Variants in CREB1 observed in about 807,000 individuals in gnomAD.
The protein encoded by CREB1 is cyclic AMP-responsive element-binding protein 1.
In CREB1, 2 loss-of-function variants were observed where a neutral mutation model predicts 42.0. The ratio of observed to expected loss-of-function variants is 0.05; its 90% CI spans 0.02 to 0.15. The LOEUF is 0.15. CREB1 is among the 10% of genes least tolerant of loss of function. CREB1 has a pLI of 1.00. For synonymous variants in CREB1, 123 were observed against 139.9 expected, an observed-to-expected ratio of 0.88 and a Z score of 0.85; for missense variants, 199 against 388.9, an observed-to-expected ratio of 0.51 and a Z score of 4.11.
intron 7 of CREB1, among the ~76,000 whole-genome samples, chr2:207,593,823 A>G (rs1368058057): frequency 6.7e-6 from 1 of 148,874 alleles, no homozygotes; most frequent in Non-Finnish European, 1.5e-5. Context: ...GGTTCAAGCG[A>G]TTTTCCTACC....
rs1352813603 is a variant in CREB1 at position 207,605,732 on chromosome 2, A to AT, written c.*8677dup. 6.6e-6 allele frequency among the ~76,000 whole-genome samples: 1 copy of AT among 152,218 alleles called. No individual in the cohort carries two copies. The highest frequency in any genetic ancestry group is 1.5e-5 in the Non-Finnish European group (1 of 68,032). ...GTTTAACCAGTCCTCTTCTGGGGAC[A>AT]TTTGGCTGTTTGAAATTTTTTACTG... On this transcript the variant is annotated 3_prime_UTR_variant, in exon 8 of 8. Transcript: ENST00000353267.
At chr2:207,578,116 ATAACATTT>A (rs1166903313) in intron 7 of CREB1, 1 of 155,038 alleles carries the variant, frequency 6.5e-6, no homozygotes, top group East Asian at 1.9e-4. Context: ...ACTCAAAATA[ATAACATTT>A]TAACACCTAA....
At chr2:207,532,547 CT>C (rs2080689288) in intron 1 of CREB1, among the ~76,000 whole-genome samples, 1 of 151,284 alleles carries the variant, frequency 6.6e-6, no homozygotes, top group South Asian at 2.1e-4. Context: ...GTGGCGCGTG[CT>C]TGTAATCCCA....
At chr2:207,531,704 G>A (rs1057319233) in intron 1 of CREB1, among the ~76,000 whole-genome samples, 2 of 152,206 alleles carry the variant, frequency 1.3e-5, no homozygotes, top group Admixed American at 1.3e-4. Context: ...AGACGAACAA[G>A]TTTGTTTTAA....
At chr2:207,572,596 T>C (rs762847445) in intron 5 of CREB1, among the ~76,000 whole-genome samples, 6 of 152,104 alleles carry the variant, frequency 3.9e-5, no homozygotes, top group Non-Finnish European at 8.8e-5. Context: ...TACATAAATA[T>C]CCTAAGAGTG....
intron 1 of CREB1, among the ~76,000 whole-genome samples, chr2:207,532,718 A>G (rs752440017): frequency 6.6e-6 from 1 of 150,944 alleles, no homozygotes; most frequent in Non-Finnish European, 1.5e-5. Context: ...CTTGCCCGAG[A>G]GATATTTTAA....
At chr2:207,540,669 T>TAAAAAAAAAAAAAAAAAAAAAAA (rs35714520) in intron 1 of CREB1, among the ~76,000 whole-genome samples, 4 of 64,252 alleles carry the variant, frequency 6.2e-5, no homozygotes, top group African/African-American at 2.8e-4. Context: ...GTTTAAAAAG[T>TAAAAAAAAAAAAAAAAAAAAAAA]AAAAAAAAAA....
chr2:207,559,470 A>G (rs1054495832), intron 2 of CREB1, among the ~76,000 whole-genome samples: 2 of 152,140 alleles, frequency 1.3e-5, no homozygotes, highest in Non-Finnish European at 2.9e-5. Flanking sequence ...AGAGACCCCT[A>G]TCTTTCTCAC....
rs1203617007 is a variant in CREB1, at chr2:207,603,949, C to T, written c.*6891C>T. ...GCATTATTTGTATGTTTCTTCACTG[C>T]CAAGATGTGTTCAAGCCTGCTATAC... On this transcript the variant is annotated 3_prime_UTR_variant, in exon 8 of 8. Coordinates refer to ENST00000353267, the MANE Select transcript of CREB1 (RefSeq NM_004379.5). Among the ~76,000 whole-genome samples, 2 of 152,140 alleles carry T rather than the reference C, an allele frequency of 1.3e-5. No individual in the cohort carries two copies. The highest frequency in any genetic ancestry group is 6.5e-5 in the Admixed American group (1 of 15,278).
intron 1 of CREB1, among the ~76,000 whole-genome samples, chr2:207,531,754 T>TA (rs1206655922): frequency 2.0e-5 from 3 of 152,370 alleles, no homozygotes; most frequent in Non-Finnish European, 4.4e-5. Context: ...TTGTGATTGA[T>TA]ACGTACAAAC....
rs1012108186 is a variant in CREB1, at chr2:207,588,238, G to C, written c.840-8676G>C. Among the ~76,000 whole-genome samples, 4 of 152,010 alleles carry C rather than the reference G, an allele frequency of 2.6e-5. No individual in the cohort carries two copies. The South Asian group carries it at 8.3e-4, about 32-fold the overall frequency. ...TTTGTATAAGGTGTGAGGATGTGTC[G>C]AGATCCATTTTTTTATATAGGAACA... On this transcript the variant is annotated intron_variant, in intron 7 of 7. Transcript: ENST00000353267.
chr2:207,538,794 C>T (rs1574762190), intron 1 of CREB1, among the ~76,000 whole-genome samples: 2 of 152,110 alleles, frequency 1.3e-5, no homozygotes, highest in Admixed American at 6.6e-5. Context: ...GAAATGAAGA[C>T]GTTTCTTTCA....
intron 2 of CREB1, among the ~76,000 whole-genome samples, chr2:207,559,494 G>C (rs2081872390): frequency 6.6e-6 from 1 of 152,020 alleles, no homozygotes; most frequent in South Asian, 2.1e-4. Flanking sequence ...TGTAGTTTCA[G>C]TTCTAACATT....
intron 1 of CREB1, among the ~76,000 whole-genome samples, chr2:207,555,136 A>G (rs2081663955): frequency 1.3e-5 from 2 of 152,144 alleles, no homozygotes; most frequent in Admixed American, 1.3e-4. Flanking sequence ...TCACTTTTAG[A>G]AGTAGCTTAC....
intron 3 of CREB1, among the ~76,000 whole-genome samples, chr2:207,564,204 A>G (rs1056342224): frequency 2.0e-5 from 3 of 152,110 alleles, no homozygotes; most frequent in Admixed American, 6.5e-5. Flanking sequence ...CTAGACTTTC[A>G]GTAAGCTTCT....
chr2:207,570,062 ACC>A, intron 4 of CREB1, 115 bp from the exon 5 acceptor site: 1 of 614,336 alleles, frequency 1.6e-6, no homozygotes, highest in South Asian at 2.9e-5. Flanking sequence ...AAAAAAAAAA[ACC>A]TTCTGTCCTA....
At chr2:207,562,825 G>C (rs1176167064) in intron 3 of CREB1, among the ~76,000 whole-genome samples, 1 of 152,136 alleles carries the variant, frequency 6.6e-6, no homozygotes, top group Admixed American at 6.5e-5. Flanking sequence ...ACAAGGTACA[G>C]TTCTCTTGTT....
intron 7 of CREB1, among the ~76,000 whole-genome samples, chr2:207,583,953 G>T (rs778452088): frequency 2.0e-5 from 3 of 152,068 alleles, no homozygotes; most frequent in Non-Finnish European, 2.9e-5. Context: ...TTTAGATCTG[G>T]TTCCTTCATC....
chr2:207,532,694 GTTCT>G (rs748814692), intron 1 of CREB1, among the ~76,000 whole-genome samples: 58 of 151,788 alleles, frequency 3.8e-4, no homozygotes, highest in Non-Finnish European at 6.3e-4. Context: ...TTACTGATAA[GTTCT>G]TTCTTTAGTC....
Sources: allele counts gnomAD v4.1 joint callset (sites outside exome capture counted in the v4.1 genomes callset), GRCh38; gene constraint gnomAD v4.1.1; transcripts MANE v1.5; gene names NCBI Gene and HGNC (gene_info 2026-07-23, HGNC 2026-07-21).